Variants in FGD4 observed in about 807,000 individuals in gnomAD.
FGD4 encodes the protein FYVE, RhoGEF and PH domain-containing protein 4.
A neutral mutation model predicts 102.0 loss-of-function variants in FGD4; 42 were observed. The ratio of observed to expected loss-of-function variants is 0.41; its 90% CI spans 0.32 to 0.53. The LOEUF is 0.53. Ranked by LOEUF, FGD4 falls within the 20% of genes least tolerant of loss-of-function variation. FGD4 has a pLI of 0.21. For missense variants in FGD4, 902 were observed against 1,078.2 expected (o/e 0.84, Z 2.29); for synonymous variants, 380 against 375.7 (o/e 1.01, Z -0.13).
At chr12:32,603,058 T>C (rs1395880017) in intron 7 of FGD4, among the ~76,000 whole-genome samples, 3 of 152,244 alleles carry the variant, frequency 2.0e-5, no homozygotes, top group African/African-American at 4.8e-5. Flanking sequence ...TTGTAAAATG[T>C]AGACACTTTG....
intron 1 of FGD4, among the ~76,000 whole-genome samples, chr12:32,430,963 A>G (rs1942023689): frequency 6.6e-6 from 1 of 152,210 alleles, no homozygotes; most frequent in Non-Finnish European, 1.5e-5. Context: ...CAATGATGGT[A>G]GTCATTGTTC....
In FGD4 at chr12:32,602,283, T is replaced by C; in HGVS notation, c.1370T>C (p.Ile457Thr). 1 of 1,614,150 alleles carries C rather than the reference T, an allele frequency of 6.2e-7. No individual in the cohort carries two copies. ...MELVKNMTER[I>T]PQFKSVVEEI... is the part of the protein sequence containing the mutation. ...TTGGTTAAAAACATGACAGAACGTATTCCCCAGTTCAAATCAGTGGTTGAA... is the reference window on the plus strand; with the variant it reads ...TTGGTTAAAAACATGACAGAACGTACTCCCCAGTTCAAATCAGTGGTTGAA... Residue 457 changes from isoleucine (I) to threonine (T), a missense_variant, in exon 7 of 17, where the codon ATT (isoleucine) becomes ACT (threonine). Ile to Thr is a moderately conservative substitution (Grantham distance 89). Transcript: ENST00000534526.
intron 1 of FGD4, among the ~76,000 whole-genome samples, chr12:32,458,543 A>G (rs917794147): frequency 6.6e-6 from 1 of 152,142 alleles, no homozygotes; most frequent in Non-Finnish European, 1.5e-5. Flanking sequence ...CCTGTGTGTG[A>G]TAGAACTGAA....
Position 32,585,150 on chromosome 12 carries a change from G to A in FGD4, c.1011+2683G>A, listed in dbSNP as rs558568242. 2.7e-5 allele frequency among the ~76,000 whole-genome samples: 4 copies of A among 150,718 alleles called. No homozygotes were observed. The East Asian group carries it at 7.8e-4, about 30-fold the overall frequency. On this transcript the variant is annotated intron_variant, in intron 4 of 16. Transcript: ENST00000534526. ...AGATCGCTTGAGCCTGGGAGGCAGA[G>A]GTTGCAGTGAGCTGAGATCCCACCA...
intron 1 of FGD4, among the ~76,000 whole-genome samples, chr12:32,505,331 A>G (rs542354668): frequency 2.8e-4 from 43 of 152,352 alleles, no homozygotes; most frequent in African/African-American, 1.0e-3. Flanking sequence ...ATATACATTT[A>G]CAGGATGAGG....
intron 1 of FGD4, among the ~76,000 whole-genome samples, chr12:32,553,737 G>T (rs149482194): frequency 1.3e-5 from 2 of 152,186 alleles, no homozygotes; most frequent in Non-Finnish European, 2.9e-5. Flanking sequence ...AGGTAGCATT[G>T]TATGATGAGT....
intron 1 of FGD4, among the ~76,000 whole-genome samples, chr12:32,519,061 GC>G (rs1416928421): frequency 7.3e-6 from 1 of 137,668 alleles, no homozygotes; most frequent in Non-Finnish European, 1.5e-5. Context: ...GTTGCAGTGA[GC>G]CCAAGATCAT....
At chr12:32,480,438 A>G (rs550935198) in intron 1 of FGD4, among the ~76,000 whole-genome samples, 1 of 152,080 alleles carries the variant, frequency 6.6e-6, no homozygotes, top group South Asian at 2.1e-4. Flanking sequence ...CTGAGATTAC[A>G]GGTGTGAGCC....
At chr12:32,569,592 C>T (rs1233636204) in intron 2 of FGD4, among the ~76,000 whole-genome samples, 1 of 152,130 alleles carries the variant, frequency 6.6e-6, no homozygotes, top group Non-Finnish European at 1.5e-5. Flanking sequence ...GAAATCTGCC[C>T]TCCCTTTGAC....
At chr12:32,589,112 A>T (rs777527875) in intron 4 of FGD4, among the ~76,000 whole-genome samples, 14 of 152,190 alleles carry the variant, frequency 9.2e-5, no homozygotes, top group Admixed American at 2.0e-4. Context: ...TTGTAACATT[A>T]TGAGGTATAG....
chr12:32,450,510 C>T (rs1178708792), intron 1 of FGD4, among the ~76,000 whole-genome samples: 1 of 152,144 alleles, frequency 6.6e-6, no homozygotes, highest in African/African-American at 2.4e-5. Context: ...ATTCTTTGAG[C>T]ATGTCTAGCT....
At chr12:32,409,851 G>A (rs1433198490) in intron 1 of FGD4, among the ~76,000 whole-genome samples, 2 of 152,118 alleles carry the variant, frequency 1.3e-5, no homozygotes, top group Non-Finnish European at 2.9e-5. Flanking sequence ...TTGTGTGTAT[G>A]TTTGTTTTCA....
intron 1 of FGD4, among the ~76,000 whole-genome samples, chr12:32,500,017 C>G (rs549538186): frequency 7.2e-5 from 11 of 152,128 alleles, no homozygotes; most frequent in African/African-American, 2.6e-4. Flanking sequence ...AAGAAAAAAA[C>G]AAAAAAATCT....
At chr12:32,612,815 T>C (rs1178090659) in intron 10 of FGD4, among the ~76,000 whole-genome samples, 1 of 152,148 alleles carries the variant, frequency 6.6e-6, no homozygotes, top group African/African-American at 2.4e-5. Context: ...CACAGTTCTT[T>C]CTCACTGCAG....
chr12:32,505,777 T>G (rs1444234131), intron 1 of FGD4, among the ~76,000 whole-genome samples: 1 of 152,218 alleles, frequency 6.6e-6, no homozygotes, highest in Non-Finnish European at 1.5e-5. Context: ...ACTGACTTCC[T>G]GTGTAAGTAA....
intron 2 of FGD4, among the ~76,000 whole-genome samples, chr12:32,573,326 A>G (rs1945839330): frequency 6.6e-6 from 1 of 151,896 alleles, no homozygotes; most frequent in Admixed American, 6.6e-5. Flanking sequence ...CGATCTCCTG[A>G]CCTCATGATC....
intron 1 of FGD4, among the ~76,000 whole-genome samples, chr12:32,474,833 G>A (rs1289517329): frequency 1.3e-5 from 2 of 152,188 alleles, no homozygotes; most frequent in Non-Finnish European, 2.9e-5. Flanking sequence ...GAGCCCAGGA[G>A]GTTGAGGCTG....
Position 32,608,112 on chromosome 12 carries a change from T to G in FGD4, c.1543+17T>G. The stretch of plus-strand genomic sequence containing the variant: ...ATGCTAAAAGTAAATGCTTTTTTTT[T>G]GTTTTCTCCCTATTTTGGAATAATC... On this transcript the variant is annotated intron_variant, in intron 8 of 16. Transcript: ENST00000534526. The G allele has an allele frequency of 6.2e-7, 1 of 1,614,052 alleles. No individual in the cohort carries two copies. Among genetic ancestry groups the G allele is most frequent in the Non-Finnish European group, 8.5e-7 (1 of 1,179,950 alleles).
chr12:32,620,521 T>TTTCTTTC lies in FGD4; in HGVS notation c.1922+653_1922+654insCTTTCTT, dbSNP rs1491118045. On this transcript the variant is annotated intron_variant, in intron 11 of 16. Transcript: ENST00000534526. ...TAGCCATAACCATTTTTTTTCTTTC[T>TTTCTTTC]TTTTTTTTTTTTTTTTTTTTTTGAG... is the stretch of plus-strand genomic sequence containing the variant. Among the ~76,000 whole-genome samples the TTTCTTTC allele has an allele frequency of 1.1e-3, 46 of 43,364 alleles. 1 individual carries two copies. The highest frequency in any genetic ancestry group is 2.9e-3 in the African/African-American group (30 of 10,342). The allele number at this position is 43,364 out of a possible 152,430, so 28.4% of individuals were successfully genotyped here.
Sources: gnomAD v4.1 joint callset for allele counts (sites outside exome capture counted in the v4.1 genomes callset) on GRCh38, gnomAD v4.1.1 for gene constraint, MANE v1.5 for transcripts, NCBI Gene and HGNC (gene_info 2026-07-23, HGNC 2026-07-21) for gene names.